LOXHD1: variants seen among roughly 807,000 people sequenced by gnomAD.
LOXHD1 encodes the protein lipoxygenase homology PLAT domains 1.
Under a neutral mutation model 248.2 loss-of-function variants are expected in LOXHD1, and 205 were observed. The ratio of observed to expected loss-of-function variants is 0.83; its 90% confidence interval spans 0.74 to 0.93. The LOEUF (loss-of-function observed/expected upper bound fraction) is 0.93. LOXHD1 is among the 40% of genes least tolerant of loss of function. LOXHD1 has a pLI of 0.00. For synonymous variants in LOXHD1, 1,113 were observed against 1,162.8 expected (o/e 0.96, Z 0.87); for missense variants, 2,930 against 2,971.6 (o/e 0.99, Z 0.33).
intron 27 of LOXHD1, chr18:46,533,735 C>A: frequency 3.0e-6 from 1 of 331,362 alleles, no homozygotes; most frequent in South Asian, 2.4e-5. Context: ...ACCAGCTTGG[C>A]CAACATGGTG....
intron 7 of LOXHD1, among the ~76,000 whole-genome samples, chr18:46,603,110 A>G (rs2144290991): frequency 6.6e-6 from 1 of 152,308 alleles, no homozygotes; most frequent in African/African-American, 2.4e-5. Flanking sequence ...AGGTCTGCCA[A>G]GGAGCATGGA....
intron 14 of LOXHD1, among the ~76,000 whole-genome samples, chr18:46,573,335 G>A (rs2144106030): frequency 6.6e-6 from 1 of 152,306 alleles, no homozygotes; most frequent in Non-Finnish European, 1.5e-5. Flanking sequence ...ATCACACTGG[G>A]CACGGAGACT....
intron 2 of LOXHD1, 57 bp from the exon 3 acceptor site, chr18:46,642,093 G>A (rs1411216543): frequency 1.4e-6 from 2 of 1,470,394 alleles, no homozygotes; most frequent in East Asian, 2.5e-5. Context: ...GGCCTGGGAG[G>A]AGAGCCAAGG....
At chr18:46,481,665 A>C (rs2032580020) in intron 40 of LOXHD1, among the ~76,000 whole-genome samples, 1 of 152,160 alleles carries the variant, frequency 6.6e-6, no homozygotes. Flanking sequence ...CCTCACAGAT[A>C]TCTCTTCCTC....
intron 4 of LOXHD1, 85 bp from the exon 5 acceptor site, chr18:46,618,375 A>G: frequency 1.2e-6 from 1 of 843,444 alleles, no homozygotes. Context: ...CACACCATCT[A>G]CACTTACCCC....
At chr18:46,602,032 C>A (rs2038348237) in intron 7 of LOXHD1, among the ~76,000 whole-genome samples, 1 of 151,894 alleles carries the variant, frequency 6.6e-6, no homozygotes, top group Non-Finnish European at 1.5e-5. Context: ...GTTGGTTGGG[C>A]CATTTGAGGT....
chr18:46,483,512 T>C lies in LOXHD1; in HGVS notation c.6341+75A>G, dbSNP rs911128347. 2.0e-6 allele frequency: 3 copies of C among 1,527,640 alleles called. No homozygotes were observed. In the African/African-American group the frequency reaches 4.1e-5, roughly 21 times the overall value. The allele number at this position is 1,527,640 out of a possible 1,614,324, so 94.6% of individuals were successfully genotyped here. On this transcript the variant is annotated intron_variant, in intron 40 of 40. Transcript: ENST00000642948. ...AGAGACCTCATCATACCCTGCTCTC[T>C]TGCCCATGGTCCAGCTCAGTCCCTG...
chr18:46,489,201 C>T, intron 37 of LOXHD1, 59 bp from the exon 38 acceptor site: 1 of 1,516,586 alleles, frequency 6.6e-7, no homozygotes, highest in South Asian at 1.2e-5. Flanking sequence ...CCCTTTCAGA[C>T]TTCTACATCC....
At chr18:46,632,242 T>G (rs11660263) in intron 4 of LOXHD1, among the ~76,000 whole-genome samples, 2,171 of 152,052 alleles carry the variant, frequency 0.014, 22 homozygotes, top group Non-Finnish European at 0.024. Context: ...GTGGTAGGGG[T>G]GGGATTTGAA....
chr18:46,596,961 GGAA>G (rs1339200969), intron 8 of LOXHD1, among the ~76,000 whole-genome samples: 5 of 152,174 alleles, frequency 3.3e-5, no homozygotes, highest in Non-Finnish European at 7.4e-5. Flanking sequence ...GGTATCTTCA[GGAA>G]GAAGAAAATT....
chr18:46,508,068 C>G (rs2034698180), intron 35 of LOXHD1, among the ~76,000 whole-genome samples: 2 of 152,152 alleles, frequency 1.3e-5, no homozygotes, highest in African/African-American at 4.8e-5. Flanking sequence ...CCACAAACAC[C>G]TGGGAGCAGA....
At position 46,592,018 on chromosome 18, in the gene LOXHD1, G is replaced by C; in HGVS notation, c.1569C>G (p.Asn523Lys). 2 of 1,552,282 alleles carry C rather than the reference G, an allele frequency of 1.3e-6. No individual in the cohort carries two copies. Among genetic ancestry groups the C allele is most frequent in the Non-Finnish European group, 1.7e-6 (2 of 1,147,114 alleles). The change falls in exon 12 of 41, where the codon AAC becomes AAG. Residue 523 changes from asparagine (N) to lysine (K), a missense_variant. By Grantham distance (94) the Asn-to-Lys change is moderately conservative. Transcript: ENST00000642948. ...CATCCTCATTGGCATCCAGCCAGCG[G>C]TTGCAATTGAAGTTGTACTTGTCTT... ...LNKDKYNFNCNRWLDANEDDN... is the reference protein window; with the variant it reads ...LNKDKYNFNCKRWLDANEDDN...
rs1199077361 is a variant in LOXHD1 at position 46,558,968 on chromosome 18, T to C, written c.3216+480A>G. The C allele has an allele frequency of 6.9e-5, 30 of 432,166 alleles. No homozygotes were observed. In the Admixed American group the frequency reaches 7.0e-4, roughly 10 times the overall value. The allele number at this position is 432,166 out of a possible 1,614,324, so 26.8% of individuals were successfully genotyped here. A position where few individuals can be genotyped will look rare whatever the true frequency, so the allele number is the denominator to read the frequency against. On this transcript the variant is annotated intron_variant, in intron 20 of 40. Transcript: ENST00000642948. ...CACAGCTCAGCTGGAAGACACACTGTCCTAAACTGGCCTCCCCCATTTCCA... is the reference window on the plus strand; with the variant it reads ...CACAGCTCAGCTGGAAGACACACTGCCCTAAACTGGCCTCCCCCATTTCCA...
chr18:46,562,947 T>C (rs561083472), intron 18 of LOXHD1, 118 bp downstream of exon 18: 116 of 1,237,672 alleles, frequency 9.4e-5, no homozygotes, highest in Non-Finnish European at 1.2e-4. Flanking sequence ...TCCACCCAAC[T>C]GGAGGGAGGC....
At chr18:46,492,848 A>T (rs1477303913) in intron 37 of LOXHD1, among the ~76,000 whole-genome samples, 1 of 152,170 alleles carries the variant, frequency 6.6e-6, no homozygotes, top group Non-Finnish European at 1.5e-5. Context: ...CAAATTATTT[A>T]TCTTGTCCTT....
intron 1 of LOXHD1, among the ~76,000 whole-genome samples, chr18:46,653,326 T>A (rs1186048129): frequency 1.3e-5 from 2 of 152,186 alleles, no homozygotes; most frequent in Non-Finnish European, 2.9e-5. Flanking sequence ...AGAAGGGGTG[T>A]GAAGGAGCAT....
intron 39 of LOXHD1, 107 bp downstream of exon 39, chr18:46,484,912 G>A: frequency 7.3e-7 from 1 of 1,361,220 alleles, no homozygotes; most frequent in Non-Finnish European, 1.0e-6. Context: ...AGTACTTGCT[G>A]GTTAGGCCCA....
chr18:46,649,305 A>C, intron 1 of LOXHD1, 36 bp from the exon 2 acceptor site: 1 of 1,522,932 alleles, frequency 6.6e-7, no homozygotes, highest in Non-Finnish European at 8.9e-7. Context: ...TTGCAGGCTC[A>C]GAAAAAAACC....
At chr18:46,572,341 G>A (rs1300480797) in intron 14 of LOXHD1, among the ~76,000 whole-genome samples, 179 bp from the exon 15 acceptor site, 2 of 152,208 alleles carry the variant, frequency 1.3e-5, no homozygotes, top group Admixed American at 6.5e-5. Flanking sequence ...AGGACTTCCC[G>A]GAGGCAGTGG....
Sources: allele counts gnomAD v4.1 joint callset (sites outside exome capture counted in the v4.1 genomes callset), GRCh38; gene constraint gnomAD v4.1.1; transcripts MANE v1.5; gene names NCBI Gene and HGNC (gene_info 2026-07-23, HGNC 2026-07-21).